The following SAMD12 variants were observed in gnomAD, a reference collection of about 807,000 sequenced individuals.
SAMD12 encodes the protein sterile alpha motif domain containing 12.
SAMD12 carries 9 observed loss-of-function variants against 15.0 expected under a neutral mutation model. The ratio of observed to expected loss-of-function variants is 0.60; its 90% CI spans 0.36 to 1.05. SAMD12 has a LOEUF of 1.05. SAMD12 is among the 50% of genes least tolerant of loss of function. SAMD12 has a pLI of 0.01. For missense variants in SAMD12, 230 were observed against 234.2 expected (o/e 0.98, Z 0.12); for synonymous variants, 86 against 90.1 (o/e 0.96, Z 0.25).
At chr8:118,600,611 A>G (rs1443247080) in intron 1 of SAMD12, among the ~76,000 whole-genome samples, 1 of 152,196 alleles carries the variant, frequency 6.6e-6, no homozygotes, top group Non-Finnish European at 1.5e-5. Context: ...TCTAGATGAA[A>G]AGATATTTCT....
chr8:118,381,847 G>A (rs1045464846), intron 3 of SAMD12, among the ~76,000 whole-genome samples: 2 of 152,150 alleles, frequency 1.3e-5, no homozygotes, highest in Non-Finnish European at 2.9e-5. Context: ...AGCAGCAGTT[G>A]GCCCTGTGAC....
intron 4 of SAMD12, among the ~76,000 whole-genome samples, chr8:118,291,880 C>T (rs2130255105): frequency 6.6e-6 from 1 of 151,328 alleles, no homozygotes; most frequent in East Asian, 2.1e-4. Flanking sequence ...GCAGCTGACT[C>T]ATTGCCAACA....
At chr8:118,361,393 CA>C (rs938206099) in intron 4 of SAMD12, among the ~76,000 whole-genome samples, 1 of 151,854 alleles carries the variant, frequency 6.6e-6, no homozygotes, top group African/African-American at 2.4e-5. Context: ...GTAGGTAACT[CA>C]AAAAAAGCTG....
rs999859356 is a variant in SAMD12 at position 118,584,866 on chromosome 8, C to A, written c.14-3973G>T. Among the ~76,000 whole-genome samples the A allele has an allele frequency of 2.0e-5, 3 of 150,628 alleles. No individual in the cohort carries two copies. The South Asian group carries it at 6.3e-4, about 32-fold the overall frequency. On this transcript the variant is annotated intron_variant, in intron 1 of 3. Coordinates refer to ENST00000314727, the MANE Select transcript of SAMD12 (RefSeq NM_207506.3). ...CCCTGTGGGAAACAGTATGGTGGTT[C>A]CTCAAAAAATTAAACACAGAATTGT...
chr8:118,368,283 T>C (rs1033439217), intron 4 of SAMD12, among the ~76,000 whole-genome samples: 1 of 152,006 alleles, frequency 6.6e-6, no homozygotes, highest in African/African-American at 2.4e-5. Flanking sequence ...TCAAATAAGG[T>C]TGAATGAAGA....
chr8:118,515,185 A>ATTTTTTTTTTTTT (rs55864364), intron 2 of SAMD12, among the ~76,000 whole-genome samples: 75 of 103,284 alleles, frequency 7.3e-4, no homozygotes, highest in Non-Finnish European at 9.6e-4. Context: ...CGCCCAGCTA[A>ATTTTTTTTTTTTT]TTTTTTTTTT....
chr8:118,525,180 A>C (rs1825499656), intron 2 of SAMD12, among the ~76,000 whole-genome samples: 1 of 152,024 alleles, frequency 6.6e-6, no homozygotes, highest in Non-Finnish European at 1.5e-5. Context: ...GCTCTGCCTC[A>C]AGGTCTTTGT....
At chr8:118,558,174 C>T (rs1461336890) in intron 2 of SAMD12, among the ~76,000 whole-genome samples, 1 of 152,124 alleles carries the variant, frequency 6.6e-6, no homozygotes, top group Non-Finnish European at 1.5e-5. Context: ...AGTTTTGTCA[C>T]CTGAAACTTT....
intron 2 of SAMD12, among the ~76,000 whole-genome samples, chr8:118,506,853 A>C (rs1380493929): frequency 6.6e-6 from 1 of 151,172 alleles, no homozygotes; most frequent in Non-Finnish European, 1.5e-5. Context: ...AGAAGTCCAC[A>C]GCTGATCAGG....
intron 3 of SAMD12, among the ~76,000 whole-genome samples, chr8:118,411,387 T>C (rs916592720): frequency 7.9e-5 from 12 of 152,208 alleles, no homozygotes; most frequent in Non-Finnish European, 1.5e-4. Flanking sequence ...GCTGTGAGAA[T>C]GATGTAGGGT....
At chr8:118,211,104 G>C (rs17451984) in intron 4 of SAMD12, among the ~76,000 whole-genome samples, 27,180 of 152,162 alleles carry the variant, frequency 0.18, 2,545 homozygotes, top group African/African-American at 0.2. Context: ...GCAGAAGGGA[G>C]GGGGAGGAGC....
chr8:118,315,762 C>T (rs904003043), intron 4 of SAMD12, among the ~76,000 whole-genome samples: 2 of 152,034 alleles, frequency 1.3e-5, no homozygotes, highest in African/African-American at 4.8e-5. Context: ...TAGGAAGGGG[C>T]TGAGGAAGGA....
At chr8:118,270,425 T>C (rs1813327636) in intron 4 of SAMD12, among the ~76,000 whole-genome samples, 1 of 152,218 alleles carries the variant, frequency 6.6e-6, no homozygotes, top group South Asian at 2.1e-4. Context: ...TTCCATTTCC[T>C]GAATAGACTT....
At chr8:118,449,901 G>C (rs1042740332) in intron 2 of SAMD12, among the ~76,000 whole-genome samples, 1 of 151,882 alleles carries the variant, frequency 6.6e-6, no homozygotes, top group Non-Finnish European at 1.5e-5. Context: ...GCAAAGGTAT[G>C]TTTCTCTTTA....
At chr8:118,319,420 A>C (rs1816112991) in intron 4 of SAMD12, among the ~76,000 whole-genome samples, 1 of 152,180 alleles carries the variant, frequency 6.6e-6, no homozygotes, top group African/African-American at 2.4e-5. Flanking sequence ...TGACACTGGC[A>C]GAAAAAGGTG....
chr8:118,313,167 A>G (rs1420956544), intron 4 of SAMD12, among the ~76,000 whole-genome samples: 2 of 152,132 alleles, frequency 1.3e-5, no homozygotes, highest in Admixed American at 1.3e-4. Context: ...TTAAGGAAGG[A>G]ATTTTCTCTT....
chr8:118,466,656 T>C (rs762122901), intron 2 of SAMD12, among the ~76,000 whole-genome samples: 7 of 152,206 alleles, frequency 4.6e-5, no homozygotes, highest in African/African-American at 9.7e-5. Context: ...CTGACATCTA[T>C]TTAAGCAGGT....
intron 4 of SAMD12, among the ~76,000 whole-genome samples, chr8:118,320,453 TTTTC>T (rs1315816361): frequency 3.9e-5 from 6 of 152,184 alleles, no homozygotes; most frequent in Admixed American, 3.9e-4. Context: ...AATGTTTTTA[TTTTC>T]TTTTTTTGTT....
intron 2 of SAMD12, among the ~76,000 whole-genome samples, chr8:118,484,271 T>G (rs909456894): frequency 6.6e-6 from 1 of 152,194 alleles, no homozygotes; most frequent in Non-Finnish European, 1.5e-5. Flanking sequence ...TACAAATGTA[T>G]TATTGATACA....
Sources: gnomAD v4.1 joint callset for allele counts (sites outside exome capture counted in the v4.1 genomes callset) on GRCh38, gnomAD v4.1.1 for gene constraint, MANE v1.5 for transcripts, NCBI Gene and HGNC (gene_info 2026-07-23, HGNC 2026-07-21) for gene names.